GPR137B: variants seen among roughly 807,000 people sequenced by gnomAD.
GPR137B encodes integral membrane protein GPR137B.
In GPR137B, 42 loss-of-function variants were observed where a neutral mutation model predicts 42.5. The observed-to-expected ratio is 0.99, with a 90% CI of 0.77 to 1.28. The LOEUF (loss-of-function observed/expected upper bound fraction) is 1.28, where lower values mean the gene tolerates loss of function less well. Ranked by LOEUF, GPR137B falls within the 50% of genes most tolerant of loss-of-function variation. The probability of loss-of-function intolerance (pLI) is 0.00; values close to 1 mark genes in which losing one functional copy is unlikely to be tolerated. For synonymous variants in GPR137B, 218 were observed against 209.7 expected (o/e 1.04, Z -0.34); for missense variants, 487 against 493.9 (o/e 0.99, Z 0.13).
intron 5 of GPR137B, among the ~76,000 whole-genome samples, chr1:236,204,320 TGAA>T (rs1663586147): frequency 6.6e-6 from 1 of 152,234 alleles, no homozygotes. Context: ...AGTATTTTGT[TGAA>T]GATTTTTGCA....
In GPR137B at chr1:236,150,331, A is replaced by G. The variant is rs754013036; in HGVS notation, c.414+7295A>G. Among the ~76,000 whole-genome samples the G allele has an allele frequency of 1.3e-4, 18 of 140,608 alleles. No individual in the cohort carries two copies. Among genetic ancestry groups the G allele is most frequent in the Admixed American group, 2.8e-4 (4 of 14,288 alleles). 92.2% of individuals were successfully genotyped at this position (140,608 alleles called of 152,430 possible). ...TATGTGCCTGTGTGTGTGTCTGTGC[A>G]TGTGTGTGCCTGTGTGTGTGGAAAG... On this transcript the variant is annotated intron_variant, in intron 1 of 6. Coordinates refer to ENST00000366592, the MANE Select transcript of GPR137B (RefSeq NM_003272.4). The surrounding 1 kb of genome is among the most constrained non-coding windows in gnomAD (Gnocchi z 6.2).
At position 236,155,960 on chromosome 1, in the gene GPR137B, C is replaced by T. The variant is rs539030971; in HGVS notation, c.415-12746C>T. Among the ~76,000 whole-genome samples, 14 of 152,330 alleles carry T rather than the reference C, an allele frequency of 9.2e-5. No individual in the cohort carries two copies. Among genetic ancestry groups the T allele is most frequent in the East Asian group, 1.9e-4 (1 of 5,190 alleles). On this transcript the variant is annotated intron_variant, in intron 1 of 6. Transcript: ENST00000366592. The surrounding 1 kb of genome is among the most constrained non-coding windows in gnomAD (Gnocchi z 4.6). ...ACAAACATGCACACACATACACAAA[C>T]GCACACACATGCACACACACGCGCG...
rs1662820644 is a variant in GPR137B, at chr1:236,180,004, T to C, written c.813T>C (p.Tyr271=). Residue 271 remains tyrosine, a synonymous_variant, in exon 4 of 7, where the codon TAT becomes TAC. Coordinates refer to ENST00000366592, the MANE Select transcript of GPR137B (RefSeq NM_003272.4). ...ACAAGAGCGTCCATTCCTTTGATTA[T>C]GACTGGTACAATGTATCAGACCAGG... The part of the protein sequence containing the change: ...SQNKSVHSFD[Y]DWYNVSDQAD... The C allele has an allele frequency of 1.2e-6, 2 of 1,613,760 alleles. No individual in the cohort carries two copies. Among genetic ancestry groups the C allele is most frequent in the South Asian group, 1.1e-5 (1 of 91,072 alleles).
At chr1:236,170,913 T>C (rs1432012501) in intron 2 of GPR137B, among the ~76,000 whole-genome samples, 2 of 151,342 alleles carry the variant, frequency 1.3e-5, no homozygotes, top group African/African-American at 4.9e-5. Flanking sequence ...GGGGTGGAGA[T>C]TGCAGTGTGT....
chr1:236,161,339 C>T (rs577922011), intron 1 of GPR137B, among the ~76,000 whole-genome samples: 3 of 152,068 alleles, frequency 2.0e-5, no homozygotes, highest in Non-Finnish European at 4.4e-5. Flanking sequence ...TCCCCAGCTC[C>T]GGGCTCCTGC....
At position 236,207,971 on chromosome 1, in the gene GPR137B, GCT is replaced by G. The variant is rs543061650; in HGVS notation, c.1092-76_1092-75del. On this transcript the variant is annotated intron_variant, in intron 6 of 6. Transcript: ENST00000366592. ...ATCTATAGTTTACACAAAAATCTCA[GCT>G]CTGTCTACCTAAACTAGACTATGTC... 1.5e-5 allele frequency: 15 copies of G among 1,009,322 alleles called. No homozygotes were observed. In the African/African-American group the frequency reaches 2.0e-4, roughly 13 times the overall value. The allele number at this position is 1,009,322 out of a possible 1,614,324, so 62.5% of individuals were successfully genotyped here.
At chr1:236,153,083 A>G (rs1661916349) in intron 1 of GPR137B, among the ~76,000 whole-genome samples, 1 of 152,038 alleles carries the variant, frequency 6.6e-6, no homozygotes, top group Non-Finnish European at 1.5e-5. Flanking sequence ...GAAACAAACA[A>G]AAACAGACAA....
At chr1:236,170,141 G>C (rs1662492032) in intron 2 of GPR137B, among the ~76,000 whole-genome samples, 1 of 152,026 alleles carries the variant, frequency 6.6e-6, no homozygotes, top group Non-Finnish European at 1.5e-5. Flanking sequence ...TGTGAGTCCA[G>C]GGGTTCTGGC....
chr1:236,150,053 G>A lies in GPR137B; in HGVS notation c.414+7017G>A, dbSNP rs1661805286. Among the ~76,000 whole-genome samples, 1 of 150,304 alleles carries A rather than the reference G, an allele frequency of 6.7e-6. No homozygotes were observed. The highest frequency in any genetic ancestry group is 1.5e-5 in the Non-Finnish European group (1 of 67,502). Reference sequence around the variant, plus strand: ...TGTGTGTGTGTGTGCCTGCCTCTGTGTGCCTGTGTCTGTGTGGGTCTCTGA... The same window carrying A: ...TGTGTGTGTGTGTGCCTGCCTCTGTATGCCTGTGTCTGTGTGGGTCTCTGA... On this transcript the variant is annotated intron_variant, in intron 1 of 6. Coordinates refer to ENST00000366592, the MANE Select transcript of GPR137B (RefSeq NM_003272.4). The surrounding 1 kb of genome is among the most constrained non-coding windows in gnomAD (Gnocchi z 6.2).
chr1:236,152,297 AC>A (rs1245621974), intron 1 of GPR137B, among the ~76,000 whole-genome samples: 10 of 151,908 alleles, frequency 6.6e-5, no homozygotes, highest in Non-Finnish European at 1.5e-4. Context: ...TCTCATCTGT[AC>A]AAAAAATTAA....
intron 2 of GPR137B, among the ~76,000 whole-genome samples, chr1:236,176,381 T>G (rs984614055): frequency 2.0e-5 from 3 of 151,718 alleles, no homozygotes; most frequent in Non-Finnish European, 4.4e-5. Flanking sequence ...GGGTGGCGGG[T>G]CCCCTCCTGC....
Position 236,156,645 on chromosome 1 carries a change from C to T in GPR137B, c.415-12061C>T, listed in dbSNP as rs1357295722. On this transcript the variant is annotated intron_variant, in intron 1 of 6. Coordinates refer to ENST00000366592, the MANE Select transcript of GPR137B (RefSeq NM_003272.4). This position sits in a 1 kb window ranked among gnomAD's most constrained non-coding sequence, Gnocchi z 4.8. ...CCTTGTGTGTCTTCCGGGAACCCTG[C>T]AGAAAGGAGAACTCCGGTGTCTGGA... Among the ~76,000 whole-genome samples the T allele has an allele frequency of 6.6e-6, 1 of 152,238 alleles. No homozygotes were observed. The highest frequency in any genetic ancestry group is 2.4e-5 in the African/African-American group (1 of 41,464).
intron 5 of GPR137B, among the ~76,000 whole-genome samples, chr1:236,184,181 A>G (rs1662958173): frequency 6.6e-6 from 1 of 152,344 alleles, no homozygotes; most frequent in Admixed American, 6.5e-5. Context: ...TTAATGCACC[A>G]TTGCCTCATT....
chr1:236,152,201 C>T (rs762657026), intron 1 of GPR137B, among the ~76,000 whole-genome samples: 1 of 151,960 alleles, frequency 6.6e-6, no homozygotes, highest in African/African-American at 2.4e-5. Context: ...GTGAATTACA[C>T]CTGTAATCCC....
At chr1:236,187,715 CT>C (rs901602852) in intron 5 of GPR137B, among the ~76,000 whole-genome samples, 4 of 145,698 alleles carry the variant, frequency 2.7e-5, no homozygotes, top group African/African-American at 1.0e-4. Context: ...CAGTACCATG[CT>C]GTTTTGGTTA....
At chr1:236,167,206 C>T (rs1179180168) in intron 1 of GPR137B, among the ~76,000 whole-genome samples, 2 of 152,196 alleles carry the variant, frequency 1.3e-5, no homozygotes, top group African/African-American at 2.4e-5. Flanking sequence ...GAATGATTCC[C>T]ACAATCAAGC....
At position 236,208,133 on chromosome 1, in the gene GPR137B, A is replaced by AT; in HGVS notation, c.1176dup (p.Pro393SerfsTer2). On this transcript the variant is annotated frameshift_variant, in exon 7 of 7. Coordinates refer to ENST00000366592, the MANE Select transcript of GPR137B (RefSeq NM_003272.4). LOFTEE classifies it high-confidence loss of function. ...GGAACTTTGCAAGACTCAACTTTGGATCCTGACAAACCAAGCCTTGGGTAG... is the reference window on the plus strand; with the variant it reads ...GGAACTTTGCAAGACTCAACTTTGGATTCCTGACAAACCAAGCCTTGGGTAG... 1 of 1,613,898 alleles carries AT rather than the reference A, an allele frequency of 6.2e-7. No homozygotes were observed. Among genetic ancestry groups the AT allele is most frequent in the Non-Finnish European group, 8.5e-7 (1 of 1,179,804 alleles).
intron 5 of GPR137B, among the ~76,000 whole-genome samples, chr1:236,202,126 C>A (rs1176632074): frequency 2.6e-5 from 4 of 152,018 alleles, no homozygotes; most frequent in Non-Finnish European, 5.9e-5. Context: ...GCTATAGATA[C>A]CAGCACCTGC....
At chr1:236,151,690 G>A (rs1388461375) in intron 1 of GPR137B, among the ~76,000 whole-genome samples, 3 of 152,106 alleles carry the variant, frequency 2.0e-5, no homozygotes, top group Non-Finnish European at 4.4e-5. Flanking sequence ...CCAAAGTGCT[G>A]GGATTACAGG....
Sources: gnomAD v4.1 joint callset for allele counts (sites outside exome capture counted in the v4.1 genomes callset) on GRCh38, gnomAD v4.1.1 for gene constraint, Gnocchi (gnomAD v3.1) non-coding constraint, MANE v1.5 for transcripts, NCBI Gene and HGNC (gene_info 2026-07-23, HGNC 2026-07-21) for gene names.